PTPRD: variants seen among roughly 807,000 people sequenced by gnomAD.
PTPRD encodes protein tyrosine phosphatase receptor type D.
PTPRD carries 34 observed loss-of-function variants against 214.5 expected under a neutral mutation model. The ratio of observed to expected loss-of-function variants is 0.16; its 90% CI spans 0.12 to 0.21. PTPRD has a LOEUF of 0.21. Among genes scored for constraint, PTPRD ranks in the 10% least tolerant of loss-of-function variants. PTPRD has a pLI of 1.00. For synonymous variants in PTPRD, 1,128 were observed against 845.7 expected (o/e 1.33, Z -5.79); for missense variants, 2,545 against 2,398.7 (o/e 1.06, Z -1.27).
chr9:10,431,872 G>A (rs1488720241), intron 2 of PTPRD, among the ~76,000 whole-genome samples: 1 of 152,088 alleles, frequency 6.6e-6, no homozygotes, highest in Non-Finnish European at 1.5e-5. Context: ...GTGGAAGACA[G>A]TGTGGTGATT....
intron 8 of PTPRD, among the ~76,000 whole-genome samples, chr9:9,462,759 G>A (rs1035395176): frequency 2.0e-4 from 30 of 151,988 alleles, no homozygotes; most frequent in Admixed American, 4.6e-4. Context: ...CTCACACTTC[G>A]GAGTATAGCA....
At chr9:10,105,421 T>G (rs2098616251) in intron 3 of PTPRD, among the ~76,000 whole-genome samples, 1 of 151,888 alleles carries the variant, frequency 6.6e-6, no homozygotes, top group Admixed American at 6.6e-5. Context: ...GAATGTTATT[T>G]CTGCAGTGGC....
At chr9:10,094,687 C>T (rs1246613117) in intron 3 of PTPRD, among the ~76,000 whole-genome samples, 1 of 151,178 alleles carries the variant, frequency 6.6e-6, no homozygotes, top group Non-Finnish European at 1.5e-5. Flanking sequence ...CAAGATGCTG[C>T]AGAGCTTGAC....
At chr9:9,217,767 A>G (rs1156363449) in intron 9 of PTPRD, among the ~76,000 whole-genome samples, 5 of 152,030 alleles carry the variant, frequency 3.3e-5, no homozygotes, top group Non-Finnish European at 1.5e-5. Flanking sequence ...CCTCATCTCC[A>G]CCAAAATCCC....
chr9:8,975,078 C>CAA (rs1567342542), intron 11 of PTPRD, among the ~76,000 whole-genome samples: 1 of 114,130 alleles, frequency 8.8e-6, no homozygotes, highest in African/African-American at 3.6e-5. Context: ...GCCTGGGTGA[C>CAA]AAGAGCAAAA....
At chr9:8,598,177 G>T (rs1425456832) in intron 14 of PTPRD, among the ~76,000 whole-genome samples, 1 of 152,128 alleles carries the variant, frequency 6.6e-6, no homozygotes, top group African/African-American at 2.4e-5. Flanking sequence ...TTTCTACAAT[G>T]AGATTATTGT....
At chr9:8,357,086 T>TA (rs1232040259) in intron 39 of PTPRD, among the ~76,000 whole-genome samples, 2 of 152,184 alleles carry the variant, frequency 1.3e-5, no homozygotes, top group Non-Finnish European at 2.9e-5. Context: ...AGCTATACGC[T>TA]ACAAAGAACC....
At chr9:10,227,947 C>A (rs1203272034) in intron 3 of PTPRD, among the ~76,000 whole-genome samples, 1 of 151,946 alleles carries the variant, frequency 6.6e-6, no homozygotes, top group African/African-American at 2.4e-5. Flanking sequence ...AAAACTCTTT[C>A]CAGTCATTCA....
intron 4 of PTPRD, among the ~76,000 whole-genome samples, chr9:10,027,705 T>C (rs1024793140): frequency 6.6e-6 from 1 of 152,140 alleles, no homozygotes; most frequent in African/African-American, 2.4e-5. Flanking sequence ...TTTCTAAAAA[T>C]ATTTATATAA....
chr9:9,705,644 T>C (rs888401003), intron 7 of PTPRD, among the ~76,000 whole-genome samples: 8 of 152,232 alleles, frequency 5.3e-5, no homozygotes, highest in South Asian at 2.1e-4. Flanking sequence ...AAATATTTTA[T>C]CTTAAAATAT....
chr9:8,580,833 C>T (rs548863234), intron 14 of PTPRD, among the ~76,000 whole-genome samples: 29 of 152,188 alleles, frequency 1.9e-4, no homozygotes, highest in Admixed American at 1.2e-3. Flanking sequence ...TACAATTTTT[C>T]GCAATGATAG....
chr9:9,315,641 A>T (rs1962378876), intron 9 of PTPRD, among the ~76,000 whole-genome samples: 1 of 151,946 alleles, frequency 6.6e-6, no homozygotes, highest in East Asian at 1.9e-4. Context: ...CATGCTTTAT[A>T]TATTAACTTT....
intron 2 of PTPRD, among the ~76,000 whole-genome samples, chr9:10,450,401 G>A (rs2098833201): frequency 1.3e-5 from 2 of 151,792 alleles, no homozygotes; most frequent in South Asian, 4.1e-4. Flanking sequence ...TTGCTGTTGG[G>A]AACTATAAGC....
At chr9:8,339,155 AT>A in intron 42 of PTPRD, 108 bp from the exon 43 acceptor site, 1 of 1,232,092 alleles carries the variant, frequency 8.1e-7, no homozygotes, top group Non-Finnish European at 1.1e-6. Context: ...CATTAATAAA[AT>A]TTCAAAATTC....
intron 9 of PTPRD, among the ~76,000 whole-genome samples, chr9:9,233,227 G>C (rs2099964261): frequency 6.6e-6 from 1 of 152,098 alleles, no homozygotes; most frequent in African/African-American, 2.4e-5. Flanking sequence ...CTCTTCTGAG[G>C]GTGGCAGGGG....
intron 3 of PTPRD, among the ~76,000 whole-genome samples, chr9:10,093,486 T>C (rs2098452884): frequency 6.6e-6 from 1 of 151,440 alleles, no homozygotes; most frequent in South Asian, 2.1e-4. Flanking sequence ...GGAATGCTTA[T>C]ACTCTGTTGG....
chr9:8,477,189 G>A (rs2096782783), intron 30 of PTPRD, among the ~76,000 whole-genome samples: 2 of 151,780 alleles, frequency 1.3e-5, no homozygotes, highest in African/African-American at 4.8e-5. Flanking sequence ...TCAATATTCT[G>A]CTTTGCCCGT....
rs541073028 is a variant in PTPRD, at chr9:9,407,667, C to T, written c.-236-10185G>A. ...CTGTTTATTCCCTCTGTAGTCTTCA[C>T]GCTGCTAAGACTCAGTTTCTTTACT... On this transcript the variant is annotated intron_variant, in intron 8 of 45. Transcript: ENST00000381196. 1.1e-4 allele frequency among the ~76,000 whole-genome samples: 16 copies of T among 151,840 alleles called. No individual in the cohort carries two copies. In the South Asian group the frequency reaches 2.5e-3, roughly 24 times the overall value.
chr9:9,426,703 C>T (rs375042509), intron 8 of PTPRD, among the ~76,000 whole-genome samples: 15 of 152,118 alleles, frequency 9.9e-5, no homozygotes, highest in East Asian at 1.9e-4. Context: ...CCCTCTGAGA[C>T]GAGGCTTCCA....
Sources: allele counts gnomAD v4.1 joint callset (sites outside exome capture counted in the v4.1 genomes callset), GRCh38; gene constraint gnomAD v4.1.1; transcripts MANE v1.5; gene names NCBI Gene and HGNC (gene_info 2026-07-23, HGNC 2026-07-21).